NOX4: variants seen among roughly 807,000 people sequenced by gnomAD.
The protein encoded by NOX4 is NADPH oxidase 4.
In NOX4, 69 loss-of-function variants were observed where a neutral mutation model predicts 87.6. The observed-to-expected ratio is 0.79, with a 90% CI of 0.65 to 0.96. The LOEUF is 0.96. Among genes scored for constraint, NOX4 ranks in the 40% least tolerant of loss-of-function variants. The pLI, the probability that NOX4 is intolerant of heterozygous loss-of-function variation, is 0.00. For missense variants in NOX4, 680 were observed against 681.5 expected, an observed-to-expected ratio of 1.00 and a Z score of 0.02; for synonymous variants, 275 against 238.2, an observed-to-expected ratio of 1.15 and a Z score of -1.42.
At chr11:89,477,745 A>G (rs1946227146) in intron 2 of NOX4, among the ~76,000 whole-genome samples, 1 of 150,358 alleles carries the variant, frequency 6.7e-6, no homozygotes, top group African/African-American at 2.5e-5. Context: ...GGTCTTTTTC[A>G]TGTGTATATC....
At chr11:89,555,262 T>C in the NOX4 span, among the ~76,000 whole-genome samples, 3 of 152,080 alleles carry the variant, frequency 2.0e-5, no homozygotes, top group South Asian at 2.1e-4. Flanking sequence ...GGCAGGAGGA[T>C]TGCTTGAGCC....
At chr11:89,386,649 G>A (rs1361960918) in intron 11 of NOX4, among the ~76,000 whole-genome samples, 1 of 151,730 alleles carries the variant, frequency 6.6e-6, no homozygotes, top group East Asian at 1.9e-4. Flanking sequence ...CTCCAAAATC[G>A]TGGAGGCCTC....
At chr11:89,380,349 A>G (rs1940186102) in intron 11 of NOX4, among the ~76,000 whole-genome samples, 1 of 152,144 alleles carries the variant, frequency 6.6e-6, no homozygotes, top group African/African-American at 2.4e-5. Flanking sequence ...TATTGGTCAA[A>G]CCCATTGAAG....
intron 15 of NOX4, among the ~76,000 whole-genome samples, chr11:89,338,071 T>C (rs781033552): frequency 6.6e-6 from 1 of 152,020 alleles, no homozygotes. Context: ...GAAAAAAATA[T>C]GGAACAACAA....
chr11:89,328,098 T>C (rs571197343), intron 17 of NOX4, among the ~76,000 whole-genome samples: 2 of 151,750 alleles, frequency 1.3e-5, no homozygotes, highest in East Asian at 3.9e-4. Context: ...AAGAACGGAG[T>C]TACATTAAGG....
chr11:89,346,252 T>C (rs1037778452), intron 13 of NOX4, among the ~76,000 whole-genome samples: 3 of 152,136 alleles, frequency 2.0e-5, no homozygotes, highest in Admixed American at 6.5e-5. Context: ...CAATTTGATG[T>C]TTATCTCTTG....
At position 89,491,232 on chromosome 11, in the gene NOX4, C is replaced by A; in HGVS notation, c.15G>T (p.Trp5Cys). 2 of 1,613,564 alleles carry A rather than the reference C, an allele frequency of 1.2e-6. No individual in the cohort carries two copies. The highest frequency in any genetic ancestry group is 2.7e-5 in the African/African-American group (2 of 75,046). ...CCCCTTCGTTGGCGAGCCAGCTCCT[C>A]CAGGACACAGCCATGCCGCCGGCCC... is the stretch of plus-strand genomic sequence containing the variant. MAVS[W>C]RSWLANEGVK... The change falls in exon 1 of 18, where the codon TGG (tryptophan) becomes TGT (cysteine). Residue 5 changes from tryptophan (W) to cysteine (C), a missense_variant. Transcript: ENST00000263317.
chr11:89,402,530 C>T lies in NOX4; in HGVS notation c.642G>A (p.Lys214=), dbSNP rs368154245. 5.0e-6 allele frequency: 8 copies of T among 1,610,468 alleles called. No individual in the cohort carries two copies. In the African/African-American group the frequency reaches 8.0e-5, roughly 16 times the overall value. The part of the protein sequence containing the change: ...LTLHVSGGLL[K]YQTNLDTHPP... ...GGTGGGTATCTAAATTAGTTTGATACTTCAGCAGCCCTCTAAAATTACATT... is the reference window on the plus strand; with the variant it reads ...GGTGGGTATCTAAATTAGTTTGATATTTCAGCAGCCCTCTAAAATTACATT... The change falls in exon 9 of 18, where the codon AAG becomes AAA. Residue 214 remains lysine (K), a synonymous_variant. Transcript: ENST00000263317.
upstream of NOX4, among the ~76,000 whole-genome samples, chr11:89,501,238 G>T (rs1344059212): frequency 1.3e-5 from 2 of 152,022 alleles, no homozygotes; most frequent in East Asian, 3.9e-4. Context: ...CTCTCTGCCT[G>T]TGATCTGCAA....
the NOX4 span, among the ~76,000 whole-genome samples, chr11:89,573,883 G>A: frequency 6.6e-6 from 1 of 152,002 alleles, no homozygotes; most frequent in Non-Finnish European, 1.5e-5. Flanking sequence ...TTTACGCTTG[G>A]GAAGTGAGCA....
chr11:89,404,117 T>G (rs1048973280), intron 8 of NOX4, among the ~76,000 whole-genome samples: 5 of 152,154 alleles, frequency 3.3e-5, no homozygotes, highest in African/African-American at 1.2e-4. Flanking sequence ...TATACAAAAT[T>G]GAGCCAAATT....
intron 6 of NOX4, among the ~76,000 whole-genome samples, chr11:89,438,785 AT>A (rs1435091311): frequency 5.1e-5 from 3 of 58,888 alleles, no homozygotes; most frequent in African/African-American, 2.3e-4. Context: ...ATATAATAAT[AT>A]ATAGTGTATA....
intron 8 of NOX4, among the ~76,000 whole-genome samples, chr11:89,414,619 T>A (rs184241259): frequency 0.37 from 42,541 of 114,618 alleles, 10,354 homozygotes; most frequent in African/African-American, 0.59. Context: ...ACATTTTTTT[T>A]ATTTTATTAT....
At chr11:89,547,242 C>T in the NOX4 span, among the ~76,000 whole-genome samples, 1 of 151,920 alleles carries the variant, frequency 6.6e-6, no homozygotes, top group Non-Finnish European at 1.5e-5. Flanking sequence ...TGGGGGGGGA[C>T]AATTGATACC....
chr11:89,552,708 G>A, the NOX4 span, among the ~76,000 whole-genome samples: 2 of 152,102 alleles, frequency 1.3e-5, no homozygotes, highest in Admixed American at 6.6e-5. Flanking sequence ...ATCAAAGTCT[G>A]CAGAATCTAG....
intron 7 of NOX4, among the ~76,000 whole-genome samples, chr11:89,428,130 G>A (rs1943551179): frequency 6.6e-6 from 1 of 152,130 alleles, no homozygotes; most frequent in Non-Finnish European, 1.5e-5. Context: ...AGCTTCATAA[G>A]TGAAGGAGAA....
the NOX4 span, among the ~76,000 whole-genome samples, chr11:89,578,836 TACAAGGAATTTC>T: frequency 6.6e-6 from 1 of 152,216 alleles, no homozygotes; most frequent in Non-Finnish European, 1.5e-5. Context: ...ACTATGCCCA[TACAAGGAATTTC>T]ACATGAGTAT....
intron 13 of NOX4, among the ~76,000 whole-genome samples, chr11:89,351,372 G>A (rs1946449811): frequency 6.6e-6 from 1 of 152,222 alleles, no homozygotes; most frequent in African/African-American, 2.4e-5. Flanking sequence ...AAGCAAAGCA[G>A]CAAGTGCTGA....
At chr11:89,578,826 A>G in the NOX4 span, among the ~76,000 whole-genome samples, 1 of 152,310 alleles carries the variant, frequency 6.6e-6, no homozygotes, top group African/African-American at 2.4e-5. Context: ...TCTTTGAAAA[A>G]CTATGCCCAT....
Sources: allele counts gnomAD v4.1 joint callset (sites outside exome capture counted in the v4.1 genomes callset), GRCh38; gene constraint gnomAD v4.1.1; transcripts MANE v1.5; gene names NCBI Gene and HGNC (gene_info 2026-07-23, HGNC 2026-07-21).